VTI1A: variants seen among roughly 807,000 people sequenced by gnomAD.
VTI1A encodes the protein vesicle transport through interaction with t-SNAREs homolog 1A.
Under a neutral mutation model 34.9 loss-of-function variants are expected in VTI1A, and 22 were observed. The observed-to-expected ratio is 0.63, with a 90% CI of 0.45 to 0.90. The LOEUF is 0.90. Among genes scored for constraint, VTI1A ranks in the 40% least tolerant of loss-of-function variants. VTI1A has a pLI of 0.00. For missense variants in VTI1A, 268 were observed against 275.6 expected (o/e 0.97, Z 0.20); for synonymous variants, 87 against 97.3 (o/e 0.89, Z 0.62).
At chr10:112,828,128 T>G in the VTI1A span, among the ~76,000 whole-genome samples, 1 of 152,088 alleles carries the variant, frequency 6.6e-6, no homozygotes, top group African/African-American at 2.4e-5. Flanking sequence ...CCCCCAGGCA[T>G]GTGACAAACC....
At chr10:112,715,809 T>C (rs1250808510) in intron 7 of VTI1A, among the ~76,000 whole-genome samples, 1 of 152,222 alleles carries the variant, frequency 6.6e-6, no homozygotes, top group Non-Finnish European at 1.5e-5. Flanking sequence ...CCTGAAATCA[T>C]TTTAGTTCAC....
intron 3 of VTI1A, among the ~76,000 whole-genome samples, chr10:112,491,467 T>C (rs1353305710): frequency 1.3e-5 from 2 of 152,326 alleles, no homozygotes; most frequent in African/African-American, 4.8e-5. Context: ...GATGTGATTC[T>C]TTTTAAGACT....
intron 5 of VTI1A, among the ~76,000 whole-genome samples, chr10:112,629,934 A>C (rs1412135113): frequency 6.6e-6 from 1 of 152,126 alleles, no homozygotes; most frequent in African/African-American, 2.4e-5. Context: ...GATTTTTTTA[A>C]ACGAAGATGA....
At chr10:112,597,500 G>A (rs1204341326) in intron 5 of VTI1A, among the ~76,000 whole-genome samples, 1 of 152,136 alleles carries the variant, frequency 6.6e-6, no homozygotes, top group South Asian at 2.1e-4. Flanking sequence ...TTACTGGCGT[G>A]AGCCACCACA....
intron 7 of VTI1A, among the ~76,000 whole-genome samples, chr10:112,700,647 A>G (rs543116228): frequency 6.6e-6 from 1 of 152,306 alleles, no homozygotes; most frequent in Admixed American, 6.5e-5. Context: ...CTTCCAAACA[A>G]CAATAATAAA....
At chr10:112,570,344 C>T (rs1852072090) in intron 5 of VTI1A, among the ~76,000 whole-genome samples, 1 of 151,600 alleles carries the variant, frequency 6.6e-6, no homozygotes, top group South Asian at 2.1e-4. Flanking sequence ...CAAAGCAAAG[C>T]AGCACTTCTT....
At chr10:112,592,658 C>T (rs1373257821) in intron 5 of VTI1A, among the ~76,000 whole-genome samples, 1 of 152,194 alleles carries the variant, frequency 6.6e-6, no homozygotes, top group Non-Finnish European at 1.5e-5. Context: ...ACAGTAGGTG[C>T]CCAATTCTAT....
intron 7 of VTI1A, among the ~76,000 whole-genome samples, chr10:112,691,680 A>G (rs1432500073): frequency 1.3e-5 from 2 of 152,240 alleles, no homozygotes; most frequent in South Asian, 2.1e-4. Context: ...AGCATGTCCA[A>G]TAGGCCCAAT....
chr10:112,652,583 C>G (rs1034791546), intron 5 of VTI1A, among the ~76,000 whole-genome samples: 1 of 151,948 alleles, frequency 6.6e-6, no homozygotes, highest in Non-Finnish European at 1.5e-5. Flanking sequence ...AAAAAGTAGC[C>G]AGACATGGTG....
chr10:112,694,798 G>A (rs1416860702), intron 7 of VTI1A, among the ~76,000 whole-genome samples: 6 of 151,940 alleles, frequency 3.9e-5, no homozygotes, highest in African/African-American at 7.3e-5. Context: ...GTGAAACCCC[G>A]TCTCTACTAA....
In VTI1A at chr10:112,762,793, C is replaced by T. The variant is rs116761207; in HGVS notation, c.561-52497C>T. 2.4e-3 allele frequency among the ~76,000 whole-genome samples: 364 copies of T among 152,322 alleles called. 2 individuals carry two copies. Among genetic ancestry groups the T allele is most frequent in the African/African-American group, 8.2e-3 (339 of 41,564 alleles). ...TGTAGCTTACTTTCCCTCCCAGCTA[C>T]TTCCAGAATTGATTTCCGTGCTGGG... On this transcript the variant is annotated intron_variant, in intron 7 of 7. Transcript: ENST00000393077.
intron 5 of VTI1A, among the ~76,000 whole-genome samples, chr10:112,615,423 C>G (rs1480135078): frequency 6.6e-6 from 1 of 152,120 alleles, no homozygotes; most frequent in Non-Finnish European, 1.5e-5. Context: ...GAGAACACAT[C>G]TCTTTTTGTT....
intron 3 of VTI1A, among the ~76,000 whole-genome samples, chr10:112,490,713 A>G (rs1199859546): frequency 6.6e-6 from 1 of 151,604 alleles, no homozygotes; most frequent in Non-Finnish European, 1.5e-5. Context: ...CCTCTTAGCG[A>G]TCCCTTTGAT....
At chr10:112,674,374 A>T (rs548009515) in intron 7 of VTI1A, among the ~76,000 whole-genome samples, 2 of 152,298 alleles carry the variant, frequency 1.3e-5, no homozygotes, top group African/African-American at 4.8e-5. Context: ...GAGAATTTTT[A>T]AAAATCTTGG....
chr10:112,841,610 G>T, the VTI1A span, among the ~76,000 whole-genome samples: 1 of 152,160 alleles, frequency 6.6e-6, no homozygotes, highest in African/African-American at 2.4e-5. Context: ...GAAAGTGGGC[G>T]TCTGAATCTG....
intron 3 of VTI1A, among the ~76,000 whole-genome samples, chr10:112,473,965 G>A (rs184470176): frequency 2.3e-3 from 355 of 152,242 alleles, no homozygotes; most frequent in Admixed American, 4.1e-3. Flanking sequence ...AATTTGCATG[G>A]TTCTGAGAAT....
At chr10:112,511,739 C>G (rs1453712397) in intron 3 of VTI1A, among the ~76,000 whole-genome samples, 1 of 152,078 alleles carries the variant, frequency 6.6e-6, no homozygotes, top group Non-Finnish European at 1.5e-5. Flanking sequence ...CTTTCCCAGA[C>G]CCTGTTACCT....
chr10:112,841,324 C>G, the VTI1A span, among the ~76,000 whole-genome samples: 5 of 152,154 alleles, frequency 3.3e-5, no homozygotes, highest in Admixed American at 6.5e-5. Flanking sequence ...AGTGCATCAT[C>G]CCATGTATGA....
chr10:112,660,349 C>T (rs1386866141), intron 5 of VTI1A, among the ~76,000 whole-genome samples: 1 of 152,202 alleles, frequency 6.6e-6, no homozygotes, highest in Admixed American at 6.5e-5. Context: ...CCGCCCTCCT[C>T]GGCCTCCCAA....
Sources: allele counts gnomAD v4.1 joint callset (sites outside exome capture counted in the v4.1 genomes callset), GRCh38; gene constraint gnomAD v4.1.1; transcripts MANE v1.5; gene names NCBI Gene and HGNC (gene_info 2026-07-23, HGNC 2026-07-21).